Variants in CORO2B observed in about 807,000 individuals in gnomAD.
CORO2B encodes the protein coronin 2B.
Under a neutral mutation model 58.8 loss-of-function variants are expected in CORO2B, and 26 were observed. That is an observed-to-expected ratio of 0.44 (90% CI 0.32 to 0.61). CORO2B has a LOEUF of 0.61. CORO2B is among the 20% of genes least tolerant of loss of function. The pLI is 0.04. For synonymous variants in CORO2B, 242 were observed against 253.8 expected (o/e 0.95, Z 0.44); for missense variants, 460 against 645.1 (o/e 0.71, Z 3.11).
chr15:68,566,873 C>T, the CORO2B span, among the ~76,000 whole-genome samples: 2 of 152,196 alleles, frequency 1.3e-5, no homozygotes, highest in African/African-American at 2.4e-5. Flanking sequence ...GTGCAACACA[C>T]ACATATACAC....
intron 3 of CORO2B, among the ~76,000 whole-genome samples, chr15:68,706,870 T>G (rs1156979923): frequency 1.3e-5 from 2 of 152,078 alleles, no homozygotes; most frequent in Non-Finnish European, 2.9e-5. Flanking sequence ...TGCCACCACA[T>G]CCAGCTAATT....
At chr15:68,577,809 T>C (rs1899317552), upstream of CORO2B, among the ~76,000 whole-genome samples, 1 of 151,782 alleles carries the variant, frequency 6.6e-6, no homozygotes, top group Admixed American at 6.6e-5. Context: ...TGCTCCAATC[T>C]AGACACTGGT....
intron 11 of CORO2B, among the ~76,000 whole-genome samples, chr15:68,721,093 G>T (rs927881749): frequency 2.0e-5 from 3 of 151,926 alleles, no homozygotes; most frequent in African/African-American, 7.3e-5. Flanking sequence ...TGTTTGCCAG[G>T]CTGGTCTTGA....
At chr15:68,667,504 G>A (rs1365572938) in intron 2 of CORO2B, among the ~76,000 whole-genome samples, 1 of 152,240 alleles carries the variant, frequency 6.6e-6, no homozygotes, top group Non-Finnish European at 1.5e-5. Context: ...TACTGGACAG[G>A]GATCTTTTCG....
chr15:68,579,371 G>T, intron 1 of CORO2B, 94 bp downstream of exon 1: 1 of 1,151,542 alleles, frequency 8.7e-7, no homozygotes, highest in Non-Finnish European at 1.1e-6. Context: ...GTGTGGGGAG[G>T]GGGCGCCGGT....
chr15:68,606,594 A>C (rs1258278947), intron 1 of CORO2B, among the ~76,000 whole-genome samples: 1 of 152,192 alleles, frequency 6.6e-6, no homozygotes, highest in Non-Finnish European at 1.5e-5. Context: ...GCCTGAGAGA[A>C]TTTTTGAGCT....
chr15:68,660,725 T>C (rs1335444154), intron 2 of CORO2B, among the ~76,000 whole-genome samples: 1 of 152,128 alleles, frequency 6.6e-6, no homozygotes, highest in African/African-American at 2.4e-5. Flanking sequence ...ATATCCACAA[T>C]CTCTTTCATT....
At chr15:68,647,412 G>C (rs1314290908) in intron 2 of CORO2B, among the ~76,000 whole-genome samples, 1 of 152,100 alleles carries the variant, frequency 6.6e-6, no homozygotes, top group Non-Finnish European at 1.5e-5. Context: ...GAACCCGACC[G>C]GACACGGTGG....
At chr15:68,607,002 C>G (rs1900140843) in intron 1 of CORO2B, among the ~76,000 whole-genome samples, 1 of 152,148 alleles carries the variant, frequency 6.6e-6, no homozygotes, top group African/African-American at 2.4e-5. Context: ...CAAGAAGGAG[C>G]CTTCTCCAAA....
At chr15:68,599,008 C>T (rs1158192210) in intron 1 of CORO2B, among the ~76,000 whole-genome samples, 1 of 152,198 alleles carries the variant, frequency 6.6e-6, no homozygotes, top group Non-Finnish European at 1.5e-5. Flanking sequence ...CCTGTCGCCC[C>T]ATCCTTTGGC....
chr15:68,710,963 G>A lies in CORO2B; in HGVS notation c.483+82G>A, dbSNP rs991604482. 2.1e-6 allele frequency: 3 copies of A among 1,420,794 alleles called. No individual in the cohort carries two copies. The allele number at this position is 1,420,794 out of a possible 1,614,324, so 88.0% of individuals were successfully genotyped here. On this transcript the variant is annotated intron_variant, in intron 4 of 11. Transcript: ENST00000261861. The surrounding 1 kb of genome is among the most constrained non-coding windows in gnomAD (Gnocchi z 4.1). ...TTGGGTACCCGTAGGAAGCACTGTT[G>A]CTTCCTAAGCAACCAATATGGCCTC...
At chr15:68,568,869 C>T in the CORO2B span, among the ~76,000 whole-genome samples, 1 of 152,126 alleles carries the variant, frequency 6.6e-6, no homozygotes, top group Non-Finnish European at 1.5e-5. Context: ...CTAGCTAATG[C>T]ATACGGGGCT....
intron 1 of CORO2B, among the ~76,000 whole-genome samples, chr15:68,624,353 G>A (rs1329087271): frequency 1.3e-5 from 2 of 152,124 alleles, no homozygotes; most frequent in African/African-American, 2.4e-5. Context: ...ACTCCAGCCT[G>A]GGCAGCAGTG....
intron 1 of CORO2B, among the ~76,000 whole-genome samples, chr15:68,586,066 T>C (rs1405186865): frequency 2.0e-5 from 3 of 152,184 alleles, no homozygotes; most frequent in Non-Finnish European, 2.9e-5. Flanking sequence ...GGCTTTGAAG[T>C]CAAACACATG....
At chr15:68,585,003 C>T (rs1022883841) in intron 1 of CORO2B, among the ~76,000 whole-genome samples, 1 of 152,222 alleles carries the variant, frequency 6.6e-6, no homozygotes, top group Non-Finnish European at 1.5e-5. Flanking sequence ...CACCGCCCTT[C>T]CTCATCCCTC....
intron 1 of CORO2B, chr15:68,641,434 T>G: frequency 1.3e-4 from 88 of 681,128 alleles, no homozygotes; most frequent in Non-Finnish European, 1.4e-4. Context: ...GAGCTGGGGA[T>G]TTGGGGGAGA....
chr15:68,639,166 T>C (rs1315838734), intron 1 of CORO2B, among the ~76,000 whole-genome samples: 1 of 152,206 alleles, frequency 6.6e-6, no homozygotes, highest in Non-Finnish European at 1.5e-5. Context: ...GTGAGGTTCC[T>C]GAAGGAGGCA....
chr15:68,629,393 C>T (rs1900766117), intron 1 of CORO2B, among the ~76,000 whole-genome samples: 2 of 152,144 alleles, frequency 1.3e-5, no homozygotes, highest in Admixed American at 1.3e-4. Flanking sequence ...GAGGAAGAGG[C>T]GCCTTTCTCT....
intron 2 of CORO2B, among the ~76,000 whole-genome samples, chr15:68,677,491 G>A (rs1175333222): frequency 6.6e-6 from 1 of 152,166 alleles, no homozygotes; most frequent in East Asian, 1.9e-4. Context: ...CATTTCCTTG[G>A]GCAGCTGGGA....
Sources: gnomAD v4.1 joint callset for allele counts (sites outside exome capture counted in the v4.1 genomes callset) on GRCh38, gnomAD v4.1.1 for gene constraint, Gnocchi (gnomAD v3.1) non-coding constraint, MANE v1.5 for transcripts, NCBI Gene and HGNC (gene_info 2026-07-23, HGNC 2026-07-21) for gene names.